Variants in SDK1 observed in about 807,000 individuals in gnomAD.
The protein encoded by SDK1 is sidekick cell adhesion molecule 1.
Under a neutral mutation model 245.5 loss-of-function variants are expected in SDK1, and 157 were observed. The ratio of observed to expected loss-of-function variants is 0.64; its 90% CI spans 0.56 to 0.73. The LOEUF (loss-of-function observed/expected upper bound fraction) is 0.73, where lower values mean the gene tolerates loss of function less well. Ranked by LOEUF, SDK1 falls within the 30% of genes least tolerant of loss-of-function variation. The pLI, the probability that SDK1 is intolerant of heterozygous loss-of-function variation, is 0.00. For missense variants in SDK1, 3,583 were observed against 3,002.3 expected (o/e 1.19, Z -4.52); for synonymous variants, 1,647 against 1,278.5 (o/e 1.29, Z -6.15).
At chr7:3,915,481 T>C (rs1274883884) in intron 5 of SDK1, among the ~76,000 whole-genome samples, 1 of 152,218 alleles carries the variant, frequency 6.6e-6, no homozygotes, top group Non-Finnish European at 1.5e-5. Context: ...CGGATGGTTT[T>C]CTGAGGGGTT....
At chr7:3,332,196 A>T (rs1314220732) in intron 1 of SDK1, among the ~76,000 whole-genome samples, 1 of 152,314 alleles carries the variant, frequency 6.6e-6, no homozygotes, top group Non-Finnish European at 1.5e-5. Context: ...TCCATGGAAA[A>T]CTTTAAAAAA....
chr7:3,570,402 T>A (rs960504528), intron 1 of SDK1, among the ~76,000 whole-genome samples: 1 of 152,132 alleles, frequency 6.6e-6, no homozygotes, highest in Non-Finnish European at 1.5e-5. Context: ...GCAGTAATGC[T>A]TGCTTGCCCA....
At chr7:3,574,364 C>T (rs1037942102) in intron 1 of SDK1, among the ~76,000 whole-genome samples, 2 of 152,004 alleles carry the variant, frequency 1.3e-5, no homozygotes, top group Non-Finnish European at 2.9e-5. Context: ...GATTCGCCCG[C>T]CTCAGCTTCC....
At chr7:3,756,950 G>A (rs1234640947) in intron 4 of SDK1, among the ~76,000 whole-genome samples, 1 of 151,960 alleles carries the variant, frequency 6.6e-6, no homozygotes, top group East Asian at 1.9e-4. Context: ...GACAGTTAGG[G>A]TTTTCCACTA....
intron 5 of SDK1, among the ~76,000 whole-genome samples, chr7:3,936,966 G>A (rs1022702807): frequency 6.6e-6 from 1 of 152,200 alleles, no homozygotes; most frequent in African/African-American, 2.4e-5. Flanking sequence ...TGTAGCCGAA[G>A]CTCAGGAATG....
Position 4,149,434 on chromosome 7 carries a change from C to A in SDK1, c.4596C>A (p.Ser1532Arg). ...GGCAGACCTACTCCTCGTCCATCAG[C>A]CATGAGGCGACAGCATGCGTCGTTG... ...GEWQTYSSSI[S>R]HEATACVVDR... Residue 1532 changes from serine to arginine, a missense_variant, in exon 30 of 45, where the codon AGC (serine) becomes AGA (arginine). Coordinates refer to ENST00000404826, the MANE Select transcript of SDK1 (RefSeq NM_152744.4). The A allele has an allele frequency of 6.4e-7, 1 of 1,564,114 alleles. No homozygotes were observed. The highest frequency in any genetic ancestry group is 1.9e-5 in the Admixed American group (1 of 53,376).
At chr7:4,024,296 T>G (rs1787162023) in intron 17 of SDK1, among the ~76,000 whole-genome samples, 6 of 152,230 alleles carry the variant, frequency 3.9e-5, no homozygotes, top group Admixed American at 3.9e-4. Flanking sequence ...GCACTCTGTT[T>G]GCAAGCCCCA....
intron 1 of SDK1, among the ~76,000 whole-genome samples, chr7:3,513,902 C>T (rs143644331): frequency 6.6e-6 from 1 of 152,104 alleles, no homozygotes; most frequent in Non-Finnish European, 1.5e-5. Context: ...TCTGTTCTTG[C>T]ATTAATTTGC....
chr7:4,040,637 A>G (rs994978997), intron 17 of SDK1, among the ~76,000 whole-genome samples: 13 of 152,172 alleles, frequency 8.5e-5, no homozygotes, highest in African/African-American at 2.9e-4. Context: ...TCTGATTTAC[A>G]TAGGGCATGA....
At chr7:3,393,442 C>T (rs1232224945) in intron 1 of SDK1, among the ~76,000 whole-genome samples, 4 of 152,114 alleles carry the variant, frequency 2.6e-5, no homozygotes, top group African/African-American at 4.8e-5. Flanking sequence ...TTCTTGCCAA[C>T]ATGTTATTTT....
chr7:4,162,363 G>GTTATTA lies in SDK1; in HGVS notation c.4800+509_4800+510insATTATT, dbSNP rs1364476780. ...GGTGGTGGTGGTGGTGGTGGTTGTT[G>GTTATTA]TTGTTGTTATTATTATTATTATTAT... is the stretch of plus-strand genomic sequence containing the variant. On this transcript the variant is annotated intron_variant, in intron 32 of 44. Transcript: ENST00000404826. Among the ~76,000 whole-genome samples, 70 of 116,360 alleles carry GTTATTA rather than the reference G, an allele frequency of 6.0e-4. 2 individuals carry two copies. Among genetic ancestry groups the GTTATTA allele is most frequent in the African/African-American group, 1.9e-3 (65 of 33,794 alleles). The allele number at this position is 116,360 out of a possible 152,430, so 76.3% of individuals were successfully genotyped here. A position where few individuals can be genotyped will look rare whatever the true frequency, so the allele number is the denominator to read the frequency against.
rs1785928460 is a variant in SDK1 at position 4,233,392 on chromosome 7, C to T, written c.5965C>T (p.Pro1989Ser). 2 of 1,613,030 alleles carry T rather than the reference C, an allele frequency of 1.2e-6. No homozygotes were observed. Among genetic ancestry groups the T allele is most frequent in the Non-Finnish European group, 1.7e-6 (2 of 1,179,998 alleles). ...VAVNEAGYGE[P>S]SNPSTAVSAQ... ...TGTGAATGAGGCGGGCTACGGGGAG[C>T]CCAGCAACCCCTCCACGGCTGTGTC... The change falls in exon 41 of 45, where the codon CCC becomes TCC. Residue 1989 changes from proline (P) to serine (S), a missense_variant. By Grantham distance (74) the Pro-to-Ser change is moderately conservative. Transcript: ENST00000404826.
intron 5 of SDK1, among the ~76,000 whole-genome samples, chr7:3,838,818 A>C (rs1780088623): frequency 6.7e-6 from 1 of 150,242 alleles, no homozygotes; most frequent in South Asian, 2.1e-4. Flanking sequence ...TCTTTCTTAT[A>C]GTAGAGAAAT....
intron 4 of SDK1, among the ~76,000 whole-genome samples, chr7:3,766,743 G>T (rs552514369): frequency 6.6e-6 from 1 of 152,250 alleles, no homozygotes; most frequent in East Asian, 1.9e-4. Flanking sequence ...AGGAACAAAT[G>T]ATGAGATTAG....
intron 4 of SDK1, among the ~76,000 whole-genome samples, chr7:3,648,918 C>T (rs2128655049): frequency 6.6e-6 from 1 of 152,330 alleles, no homozygotes; most frequent in East Asian, 1.9e-4. Flanking sequence ...TTTCTAATCA[C>T]TTCTGCAATC....
chr7:3,794,730 A>G (rs746927248), intron 4 of SDK1, among the ~76,000 whole-genome samples: 2 of 152,156 alleles, frequency 1.3e-5, no homozygotes, highest in South Asian at 2.1e-4. Context: ...TAAGATATAC[A>G]TTCACTTTCT....
intron 35 of SDK1, among the ~76,000 whole-genome samples, chr7:4,181,921 CT>C (rs1347737262): frequency 2.0e-5 from 3 of 152,040 alleles, no homozygotes; most frequent in African/African-American, 4.8e-5. Context: ...CTTTATGCAT[CT>C]TTTTTTTCTT....
intron 32 of SDK1, among the ~76,000 whole-genome samples, chr7:4,170,736 A>C (rs1259343486): frequency 2.0e-5 from 3 of 152,190 alleles, no homozygotes; most frequent in Non-Finnish European, 1.5e-5. Context: ...GAAACCGAAC[A>C]TGAACCCCAT....
chr7:3,637,036 G>C (rs919349337), intron 2 of SDK1, among the ~76,000 whole-genome samples: 4 of 150,644 alleles, frequency 2.7e-5, no homozygotes, highest in African/African-American at 7.4e-5. Context: ...GTTTTTTTAA[G>C]CTTTTTTTTC....
Sources: allele counts gnomAD v4.1 joint callset (sites outside exome capture counted in the v4.1 genomes callset), GRCh38; gene constraint gnomAD v4.1.1; transcripts MANE v1.5; gene names NCBI Gene and HGNC (gene_info 2026-07-23, HGNC 2026-07-21).